Variants in SP140 observed in about 807,000 individuals in gnomAD.
The protein encoded by SP140 is nuclear body protein SP140.
In SP140, 81 loss-of-function variants were observed where a neutral mutation model predicts 125.0. The observed-to-expected ratio is 0.65, with a 90% confidence interval of 0.54 to 0.78. SP140 has a LOEUF of 0.78. SP140 is among the 30% of genes least tolerant of loss of function. The probability of loss-of-function intolerance (pLI) is 0.00; values close to 1 mark genes in which losing one functional copy is unlikely to be tolerated. For missense variants in SP140, 858 were observed against 1,037.0 expected, an observed-to-expected ratio of 0.83 and a Z score of 2.37; for synonymous variants, 312 against 354.0, an observed-to-expected ratio of 0.88 and a Z score of 1.33.
intron 22 of SP140, among the ~76,000 whole-genome samples, chr2:230,299,257 G>A (rs1034414951): frequency 1.3e-5 from 2 of 152,132 alleles, no homozygotes; most frequent in Admixed American, 6.5e-5. Flanking sequence ...CCAAAAAACC[G>A]TGAGTCCTCA....
At chr2:230,253,546 T>A in intron 11 of SP140, 129 bp downstream of exon 11, 1 of 700,140 alleles carries the variant, frequency 1.4e-6, no homozygotes, top group Non-Finnish European at 2.5e-6. Context: ...GATGGAATTA[T>A]GTCAATTTTC....
chr2:230,227,406 C>T (rs185238756), intron 1 of SP140, among the ~76,000 whole-genome samples: 15 of 152,124 alleles, frequency 9.9e-5, no homozygotes, highest in South Asian at 6.2e-4. Context: ...AGGAAGAAGA[C>T]GGCACTGAGA....
At chr2:230,200,895 C>G (rs1287144568), upstream of SP140, 8 of 1,612,302 alleles carry the variant, frequency 5.0e-6, no homozygotes, top group Non-Finnish European at 6.8e-6. Flanking sequence ...CTTGTGTGAC[C>G]CTTCGTGGTG....
At chr2:230,218,514 G>T (rs1487650162) in intron 3 of SP140, among the ~76,000 whole-genome samples, 2 of 152,200 alleles carry the variant, frequency 1.3e-5, no homozygotes, top group African/African-American at 4.8e-5. Flanking sequence ...TGCAAAGTCA[G>T]AGAAAGGCAG....
chr2:230,212,304 C>T, intron 1 of SP140: 1 of 1,430,310 alleles, frequency 7.0e-7, no homozygotes, highest in Non-Finnish European at 9.9e-7. Context: ...TCTCCCTTCA[C>T]AGTCACCTTG....
chr2:230,316,381 G>A (rs527595732), downstream of SP140, among the ~76,000 whole-genome samples: 2 of 152,290 alleles, frequency 1.3e-5, no homozygotes, highest in Non-Finnish European at 2.9e-5. Flanking sequence ...GCCTCCTCAG[G>A]TTAGGAGAAT....
chr2:230,207,844 G>C, intron 1 of SP140: 1 of 643,530 alleles, frequency 1.6e-6, no homozygotes, highest in South Asian at 1.8e-5. Context: ...TAGCAAAATT[G>C]AGCTTACATT....
At chr2:230,277,665 T>G (rs566392206) in intron 15 of SP140, among the ~76,000 whole-genome samples, 1 of 152,302 alleles carries the variant, frequency 6.6e-6, no homozygotes, top group South Asian at 2.1e-4. Context: ...CCTCATAATT[T>G]AGAAACATGT....
At chr2:230,196,421 A>C in the SP140 span, among the ~76,000 whole-genome samples, 2 of 152,218 alleles carry the variant, frequency 1.3e-5, no homozygotes, top group Non-Finnish European at 1.5e-5. Context: ...GATTTATAGA[A>C]TAGACTATAT....
intron 11 of SP140, among the ~76,000 whole-genome samples, chr2:230,253,624 C>G (rs1424887300): frequency 6.6e-6 from 1 of 152,180 alleles, no homozygotes; most frequent in Admixed American, 6.5e-5. Context: ...GAGTGGAGAC[C>G]ATATCCCTGC....
In SP140 at chr2:230,238,323, C is replaced by T. The variant is rs1233067783; in HGVS notation, c.348C>T (p.Ser116=). 1 of 1,613,900 alleles carries T rather than the reference C, an allele frequency of 6.2e-7. No individual in the cohort carries two copies. Among genetic ancestry groups the T allele is most frequent in the Non-Finnish European group, 8.5e-7 (1 of 1,179,940 alleles). ...GGTCACATCTGGAAGCATTGTTCAG[C>T]AGGATTAACCTGATGGCCTATCCTG... ...FGWSHLEALF[S]RINLMAYPDL... is the part of the protein sequence containing the mutation. Residue 116 remains serine, a synonymous_variant, in exon 3 of 27, where the codon AGC becomes AGT. Transcript: ENST00000392045.
chr2:230,298,932 A>C (rs2058021622), intron 22 of SP140, among the ~76,000 whole-genome samples: 1 of 152,236 alleles, frequency 6.6e-6, no homozygotes, highest in Admixed American at 6.5e-5. Flanking sequence ...CCAGTGATTC[A>C]GAATCTCTGG....
At chr2:230,251,394 T>C (rs1368312098) in intron 10 of SP140, among the ~76,000 whole-genome samples, 1 of 152,156 alleles carries the variant, frequency 6.6e-6, no homozygotes, top group Non-Finnish European at 1.5e-5. Context: ...AATATTTTAC[T>C]GAATAAGATC....
chr2:230,283,510 C>T (rs1026604895), intron 15 of SP140, among the ~76,000 whole-genome samples: 1 of 152,156 alleles, frequency 6.6e-6, no homozygotes, highest in Non-Finnish European at 1.5e-5. Flanking sequence ...TAGGAATGAC[C>T]AGGGTCACAA....
At chr2:230,307,881 A>G (rs969808721) in intron 22 of SP140, among the ~76,000 whole-genome samples, 2 of 150,376 alleles carry the variant, frequency 1.3e-5, no homozygotes, top group Non-Finnish European at 3.0e-5. Context: ...GCAATACCCC[A>G]AGGATTCCGT....
chr2:230,308,174 T>C (rs972401508), intron 22 of SP140, among the ~76,000 whole-genome samples: 4 of 151,536 alleles, frequency 2.6e-5, no homozygotes, highest in Non-Finnish European at 4.4e-5. Flanking sequence ...CACTTATAAG[T>C]TGGAGCTAAG....
intron 1 of SP140, chr2:230,212,241 C>T (rs2044570022): frequency 9.8e-6 from 8 of 819,402 alleles, no homozygotes; most frequent in Non-Finnish European, 1.7e-5. Context: ...TTGTATTGCT[C>T]AGTTCTTTTT....
chr2:230,294,392 G>T, intron 21 of SP140, 74 bp downstream of exon 21: 2 of 1,158,146 alleles, frequency 1.7e-6, no homozygotes, highest in Non-Finnish European at 2.6e-6. Context: ...TATTTTATGG[G>T]GTCTGAAATT....
upstream of SP140, chr2:230,200,877 A>G: frequency 6.2e-7 from 1 of 1,605,076 alleles, no homozygotes; most frequent in Non-Finnish European, 8.5e-7. Context: ...GCAATCTCCA[A>G]GTTTTACCTT....
Sources: allele counts gnomAD v4.1 joint callset (sites outside exome capture counted in the v4.1 genomes callset), GRCh38; gene constraint gnomAD v4.1.1; transcripts MANE v1.5; gene names NCBI Gene and HGNC (gene_info 2026-07-23, HGNC 2026-07-21).